The following PLXNA1 variants were observed in gnomAD, a reference collection of about 807,000 sequenced individuals.
PLXNA1 encodes the protein plexin-A1.
In PLXNA1, 77 loss-of-function variants were observed where a neutral mutation model predicts 191.7. The observed-to-expected ratio is 0.40, with a 90% confidence interval of 0.33 to 0.49. PLXNA1 has a LOEUF of 0.49. PLXNA1 is among the 20% of genes least tolerant of loss of function. The probability of loss-of-function intolerance (pLI) is 0.63; values close to 1 mark genes in which losing one functional copy is unlikely to be tolerated. For synonymous variants in PLXNA1, 1,137 were observed against 1,156.4 expected (o/e 0.98, Z 0.34); for missense variants, 2,110 against 2,660.2 (o/e 0.79, Z 4.55).
At chr3:127,004,550 T>C in intron 4 of PLXNA1, 61 bp from the exon 5 acceptor site, 1 of 1,162,688 alleles carries the variant, frequency 8.6e-7, no homozygotes, top group Non-Finnish European at 1.3e-6. Flanking sequence ...GAGTCAGAGG[T>C]GAGGATGGTC....
In PLXNA1 at chr3:126,989,102, C is replaced by T. The variant is rs150244244; in HGVS notation, c.509C>T (p.Ala170Val). Residue 170 changes from alanine to valine, a missense_variant, in exon 2 of 32, where the codon GCG (alanine) becomes GTG (valine). Ala to Val is a moderately conservative substitution (Grantham distance 64, BLOSUM62 0). This residue lies in a region of PLXNA1 where 903 missense variants were observed against 1,015.7 expected (regional missense o/e 0.89). Transcript: ENST00000393409. ...AGCGTGCAGGAGGCAGGCAGCATGG[C>T]GGGCGTGCTCATTGCCGGGCCACCG... is the stretch of plus-strand genomic sequence containing the variant. ...LSSVQEAGSMAGVLIAGPPGQ... is the reference protein window; with the variant it reads ...LSSVQEAGSMVGVLIAGPPGQ... 5.7e-5 allele frequency: 92 copies of T among 1,612,984 alleles called. 1 individual carries two copies. In the South Asian group the frequency reaches 7.7e-4, roughly 13 times the overall value.
chr3:126,995,069 T>A (rs2107622806), intron 3 of PLXNA1, among the ~76,000 whole-genome samples: 1 of 152,278 alleles, frequency 6.6e-6, no homozygotes, highest in East Asian at 1.9e-4. Flanking sequence ...AAAAAGTGTC[T>A]GGGGAGCTCC....
chr3:127,032,366 C>G, intron 29 of PLXNA1, 21 bp from the exon 30 acceptor site: 1 of 1,610,492 alleles, frequency 6.2e-7, no homozygotes, highest in South Asian at 1.1e-5. Context: ...ATCTGAGCAG[C>G]GCCTGGACTC....
At chr3:126,984,486 T>A (rs754909393) in intron 1 of PLXNA1, among the ~76,000 whole-genome samples, 3 of 152,120 alleles carry the variant, frequency 2.0e-5, no homozygotes, top group Non-Finnish European at 4.4e-5. Flanking sequence ...TTCCTGCGGC[T>A]TGGGGTGTGC....
chr3:127,029,374 G>T (rs544229467), intron 26 of PLXNA1, 66 bp from the exon 27 acceptor site: 15 of 1,485,518 alleles, frequency 1.0e-5, no homozygotes, highest in African/African-American at 1.4e-5. Context: ...CCCAGCCGGG[G>T]AGTGGGAGCC....
chr3:127,008,985 G>C (rs2079082087), intron 9 of PLXNA1, among the ~76,000 whole-genome samples: 2 of 152,160 alleles, frequency 1.3e-5, no homozygotes, highest in Admixed American at 1.3e-4. Context: ...GCGCTTCTCT[G>C]GGGGTGCGGC....
intron 29 of PLXNA1, among the ~76,000 whole-genome samples, chr3:127,030,812 G>C (rs2079206250): frequency 6.6e-6 from 1 of 152,128 alleles, no homozygotes; most frequent in Non-Finnish European, 1.5e-5. Context: ...TTAGTGCGAG[G>C]AATTTACAGC....
At chr3:127,008,562 C>T (rs758721882) in intron 9 of PLXNA1, among the ~76,000 whole-genome samples, 14 of 152,284 alleles carry the variant, frequency 9.2e-5, no homozygotes, top group South Asian at 2.1e-4. Flanking sequence ...AAGCTGAGGC[C>T]GGAGCTGTGG....
Position 127,016,548 on chromosome 3 carries a change from C to T in PLXNA1, c.3046C>T (p.Pro1016Ser), listed in dbSNP as rs755863081. Reference sequence around the variant, plus strand: ...CTCCCGTGAGATCCGGTGCCTGACACCCCCCGGGCAGAGCCCTGGCAGCGC... The same window carrying T: ...CTCCCGTGAGATCCGGTGCCTGACATCCCCCGGGCAGAGCCCTGGCAGCGC... ...RNSREIRCLT[P>S]PGQSPGSAPI... Residue 1016 changes from proline to serine, a missense_variant, in exon 16 of 32, where the codon CCC becomes TCC. Physicochemically the swap from Pro to Ser is moderately conservative, Grantham distance 74 (BLOSUM62 -1). Transcript: ENST00000393409. 1.6e-5 allele frequency: 26 copies of T among 1,613,564 alleles called. No individual in the cohort carries two copies. In the South Asian group the frequency reaches 2.7e-4, roughly 17 times the overall value.
At chr3:126,992,707 C>T (rs2078996865) in intron 3 of PLXNA1, among the ~76,000 whole-genome samples, 1 of 152,082 alleles carries the variant, frequency 6.6e-6, no homozygotes, top group African/African-American at 2.4e-5. Flanking sequence ...TGGGGGTGCC[C>T]TGGGGTCCTG....
chr3:126,996,186 G>C (rs1043172498), intron 3 of PLXNA1, among the ~76,000 whole-genome samples: 12 of 152,182 alleles, frequency 7.9e-5, no homozygotes, highest in Non-Finnish European at 1.6e-4. Context: ...GGCCTGCGGG[G>C]CCTGGAGCTG....
chr3:127,029,121 G>A (rs781444837), intron 26 of PLXNA1, 25 bp downstream of exon 26: 2 of 1,571,704 alleles, frequency 1.3e-6, no homozygotes, highest in Admixed American at 1.7e-5. Context: ...TCCGACCCTA[G>A]CACAGGCCTC....
chr3:126,995,472 C>T (rs968080543), intron 3 of PLXNA1, among the ~76,000 whole-genome samples: 4 of 152,260 alleles, frequency 2.6e-5, no homozygotes, highest in Admixed American at 1.3e-4. Flanking sequence ...TGGGGAGAGC[C>T]TTGCCCTGTG....
rs375245549 is a variant in PLXNA1, at chr3:127,014,442, G to A, written c.2605-36G>A. On this transcript the variant is annotated intron_variant, in intron 12 of 31. Transcript: ENST00000393409. ...TGCACCACCGCACACCCTACGCCCT[G>A]TGGGATGCCTGTACCCCAGCCTCTG... 6.9e-6 allele frequency: 11 copies of A among 1,592,070 alleles called. No individual in the cohort carries two copies. The Admixed American group carries it at 1.5e-4, about 22-fold the overall frequency.
At position 126,988,800 on chromosome 3, in the gene PLXNA1, C is replaced by T; in HGVS notation, c.207C>T (p.Asn69=). The change falls in exon 2 of 32, where the codon AAC becomes AAT. Residue 69 remains asparagine, a synonymous_variant. Coordinates refer to ENST00000393409, the MANE Select transcript of PLXNA1 (RefSeq NM_032242.4). ...GCGAGGTGTATGTGGGCGCAGTGAA[C>T]CGCATCTATAAGCTGTCGGGGAACC... ...QTGEVYVGAV[N]RIYKLSGNLT... 1 of 1,612,116 alleles carries T rather than the reference C, an allele frequency of 6.2e-7. No homozygotes were observed. The highest frequency in any genetic ancestry group is 8.5e-7 in the Non-Finnish European group (1 of 1,179,196).
In PLXNA1 at chr3:127,006,084, C is replaced by T. The variant is rs1246489362; in HGVS notation, c.1903C>T (p.Gln635Ter). Residue 635 changes from glutamine to a stop codon, truncating the protein, a stop_gained, in exon 8 of 32, where the codon CAG becomes TAG. Coordinates refer to ENST00000393409, the MANE Select transcript of PLXNA1 (RefSeq NM_032242.4). LOFTEE classifies it high-confidence loss of function. ...VAPITRGQGDQRVVKLYLKSK... is the reference protein window; with the variant it reads ...VAPITRGQGD ...CAGCCATGCTGCTCGTGCAGGAGAC[C>T]AGCGGGTGGTGAAACTCTACCTAAA... The T allele has an allele frequency of 1.2e-6, 2 of 1,613,432 alleles. No individual in the cohort carries two copies. Among genetic ancestry groups the T allele is most frequent in the Non-Finnish European group, 1.7e-6 (2 of 1,179,626 alleles).
chr3:127,017,838 G>T lies in PLXNA1; in HGVS notation c.3606G>T (p.Ser1202=). 6.2e-7 allele frequency: 1 copy of T among 1,612,852 alleles called. No homozygotes were observed. Among genetic ancestry groups the T allele is most frequent in the African/African-American group, 1.3e-5 (1 of 75,016 alleles). Residue 1202 remains serine, a synonymous_variant, in exon 19 of 32, where the codon TCG becomes TCT. Transcript: ENST00000393409. ...IGSTPCTLTV[S]ETQLLCEAPN... ...CCACACCCTGTACCCTCACCGTGTC[G>T]GAGACGCAACTGCTGTGCGAGGCGC... is the stretch of plus-strand genomic sequence containing the variant.
rs766207106 is a variant in PLXNA1, at chr3:127,032,711, C to T, written c.5470C>T (p.Pro1824Ser). 1.2e-6 allele frequency: 2 copies of T among 1,613,360 alleles called. No homozygotes were observed. Among genetic ancestry groups the T allele is most frequent in the South Asian group, 2.2e-5 (2 of 91,064 alleles). The stretch of plus-strand genomic sequence containing the variant: ...GTACTATGCAGACATCGCCAAGATG[C>T]CAGCCATCAGCGACCAGGACATGAG... The part of the protein sequence containing the change: ...ERYYADIAKM[P>S]AISDQDMSAY... Residue 1824 changes from proline (P) to serine (S), a missense_variant, in exon 31 of 32, where the codon CCA becomes TCA. Physicochemically the swap from Pro to Ser is moderately conservative, Grantham distance 74. Around this residue, in one of 4 missense-constraint regions of PLXNA1, gnomAD observed 559 missense variants for 911.5 expected, o/e 0.61. Transcript: ENST00000393409.
In PLXNA1 at chr3:127,032,801, G is replaced by A. The variant is rs1185141553; in HGVS notation, c.5560G>A (p.Glu1854Lys). ...SQFNSMSALH[E>K]IYSYITKYKD... ...GTTCAACAGCATGAGCGCCTTGCACGAGATCTACTCCTACATCACCAAGTA... is the reference window on the plus strand; with the variant it reads ...GTTCAACAGCATGAGCGCCTTGCACAAGATCTACTCCTACATCACCAAGTA... The change falls in exon 31 of 32, where the codon GAG (glutamate) becomes AAG (lysine). Residue 1854 changes from glutamate to lysine, a missense_variant. Glu to Lys is a moderately conservative substitution (Grantham distance 56). This residue lies in a region of PLXNA1 where 559 missense variants were observed against 911.5 expected (regional missense o/e 0.61). Transcript: ENST00000393409. 2 of 1,613,294 alleles carry A rather than the reference G, an allele frequency of 1.2e-6. No individual in the cohort carries two copies. Among genetic ancestry groups the A allele is most frequent in the Non-Finnish European group, 1.7e-6 (2 of 1,180,018 alleles).
Sources: allele counts gnomAD v4.1 joint callset (sites outside exome capture counted in the v4.1 genomes callset), GRCh38; gene constraint gnomAD v4.1.1; regional missense constraint gnomAD v4.1.1; transcripts MANE v1.5; gene names NCBI Gene and HGNC (gene_info 2026-07-23, HGNC 2026-07-21).